SLC46A1: variants seen among roughly 807,000 people sequenced by gnomAD.
The protein encoded by SLC46A1 is solute carrier family 46 member 1.
A neutral mutation model predicts 32.1 loss-of-function variants in SLC46A1; 17 were observed. That is an observed-to-expected ratio of 0.53 (90% confidence interval 0.36 to 0.79). The LOEUF is 0.79. Among genes scored for constraint, SLC46A1 ranks in the 30% least tolerant of loss-of-function variants. SLC46A1 has a pLI of 0.00. For missense variants in SLC46A1, 517 were observed against 588.2 expected (o/e 0.88, Z 1.25); for synonymous variants, 240 against 262.7 (o/e 0.91, Z 0.84).
intron 2 of SLC46A1, chr17:28,403,975 T>G (rs1287058324): frequency 6.5e-6 from 1 of 154,100 alleles, no homozygotes; most frequent in Non-Finnish European, 1.4e-5. Flanking sequence ...ATCGTGCCAC[T>G]GCACTCTAGC....
chr17:28,395,928 C>G lies in SLC46A1; in HGVS notation c.*3728G>C, dbSNP rs1273506942. The stretch of plus-strand genomic sequence containing the variant: ...AGGAGATTGTGACTGCTTTAAGCTG[C>G]GGCAAGAACATTGTGCCCATCATTG... On this transcript the variant is annotated 3_prime_UTR_variant, in exon 5 of 5. Transcript: ENST00000612814. 1 of 1,613,786 alleles carries G rather than the reference C, an allele frequency of 6.2e-7. No individual in the cohort carries two copies. The highest frequency in any genetic ancestry group is 1.3e-5 in the African/African-American group (1 of 74,918).
chr17:28,402,190 G>C, intron 3 of SLC46A1, 48 bp downstream of exon 3: 2 of 1,536,028 alleles, frequency 1.3e-6, no homozygotes, highest in Non-Finnish European at 1.8e-6. Context: ...CCCGTTTCGG[G>C]CAGCACTGGA....
In SLC46A1 at chr17:28,395,320, A is replaced by G. The variant is rs1597825290; in HGVS notation, c.*4336T>C. 1 of 152,836 alleles carries G rather than the reference A, an allele frequency of 6.5e-6. No homozygotes were observed. Among genetic ancestry groups the G allele is most frequent in the Non-Finnish European group, 1.5e-5 (1 of 68,520 alleles). The allele number at this position is 152,836 out of a possible 1,614,324, so 9.5% of individuals were successfully genotyped here. On this transcript the variant is annotated 3_prime_UTR_variant, in exon 5 of 5. Coordinates refer to ENST00000612814, the MANE Select transcript of SLC46A1 (RefSeq NM_080669.6). Reference sequence around the variant, plus strand: ...AAGAATAGCCAAATGGAAGAGATACATAGGATCTCTACGTATGGAGGGTGG... The same window carrying G: ...AAGAATAGCCAAATGGAAGAGATACGTAGGATCTCTACGTATGGAGGGTGG...
At chr17:28,405,850 G>A (rs1555591245) in intron 1 of SLC46A1, 37 bp downstream of exon 1, 3 of 1,532,996 alleles carry the variant, frequency 2.0e-6, no homozygotes, top group Non-Finnish European at 1.8e-6. Context: ...TCCAGACCAG[G>A]GCCCTCCACC....
Position 28,398,016 on chromosome 17 carries a change from T to G in SLC46A1, c.*1640A>C, listed in dbSNP as rs189069712. On this transcript the variant is annotated 3_prime_UTR_variant, in exon 5 of 5. Coordinates refer to ENST00000612814, the MANE Select transcript of SLC46A1 (RefSeq NM_080669.6). ...TTGGCCAGTGCCAGCCTCGATGCTT[T>G]GGTTTTGACCCCACCTGATCCTCCT... 6.6e-6 allele frequency: 1 copy of G among 152,484 alleles called. No individual in the cohort carries two copies. The highest frequency in any genetic ancestry group is 2.4e-5 in the African/African-American group (1 of 41,476). The allele number at this position is 152,484 out of a possible 1,614,324, so 9.4% of individuals were successfully genotyped here. A position where few individuals can be genotyped will look rare whatever the true frequency, so the allele number is the denominator to read the frequency against.
At chr17:28,400,030 A>T (rs1323475781) in intron 4 of SLC46A1, 5 of 373,700 alleles carry the variant, frequency 1.3e-5, no homozygotes, top group Non-Finnish European at 2.5e-5. Flanking sequence ...AGTAGCTGGG[A>T]CTACCAGTGC....
chr17:28,405,280 G>T lies in SLC46A1; in HGVS notation c.417C>A (p.Leu139=). 1 of 1,587,050 alleles carries T rather than the reference G, an allele frequency of 6.3e-7. No homozygotes were observed. The highest frequency in any genetic ancestry group is 8.6e-7 in the Non-Finnish European group (1 of 1,167,396). ...LVSVFVVQLQ[L]HVGYFVLGRI... Reference sequence around the variant, plus strand: ...GACCCAGCACGAAGTAGCCGACGTGGAGCTGCAGCTGCACCACAAAAACGG... The same window carrying T: ...GACCCAGCACGAAGTAGCCGACGTGTAGCTGCAGCTGCACCACAAAAACGG... Residue 139 remains leucine, a synonymous_variant, in exon 2 of 5, where the codon CTC becomes CTA. Transcript: ENST00000612814.
chr17:28,399,926 C>T (rs2068175950), intron 4 of SLC46A1: 3 of 552,250 alleles, frequency 5.4e-6, no homozygotes, highest in African/African-American at 1.9e-5. Flanking sequence ...CAGGGTCTTG[C>T]TCTGTTGTCC....
rs2068236560 is a variant in SLC46A1, at chr17:28,404,810, G to A, written c.887C>T (p.Pro296Leu). The A allele has an allele frequency of 6.2e-7, 1 of 1,613,840 alleles. No homozygotes were observed. Among genetic ancestry groups the A allele is most frequent in the South Asian group, 1.1e-5 (1 of 91,074 alleles). The change falls in exon 2 of 5, where the codon CCC (proline) becomes CTC (leucine). Residue 296 changes from proline to leucine, a missense_variant. Pro to Leu is a moderately conservative substitution (Grantham distance 98, BLOSUM62 -3). Coordinates refer to ENST00000612814, the MANE Select transcript of SLC46A1 (RefSeq NM_080669.6). Reference protein sequence around the residue: ...DILTLYELSTPLCWDSKLIGY... With the variant: ...DILTLYELSTLLCWDSKLIGY... The stretch of plus-strand genomic sequence containing the variant: ...GATTAGTTTGGAGTCCCAGCAGAGG[G>A]GTGTGCTTAGTTCATAAAGGGTTAA...
intron 4 of SLC46A1, 147 bp downstream of exon 4, chr17:28,400,463 A>G (rs1334601001): frequency 1.9e-6 from 2 of 1,033,804 alleles, no homozygotes; most frequent in Non-Finnish European, 2.8e-6. Context: ...TTAGGCAGCC[A>G]TCTGCAAGGA....
intron 2 of SLC46A1, chr17:28,404,216 G>T: frequency 4.9e-6 from 1 of 202,578 alleles, no homozygotes. Flanking sequence ...CTGACTAAGG[G>T]TATTTGAGGT....
Position 28,399,572 on chromosome 17 carries a change from G to T in SLC46A1, c.*84C>A. Reference sequence around the variant, plus strand: ...TTAGACAAGAGTTGCTTGTCCTGCTGTGGGCTGGGCTTCCAGCTGCAGACC... The same window carrying T: ...TTAGACAAGAGTTGCTTGTCCTGCTTTGGGCTGGGCTTCCAGCTGCAGACC... On this transcript the variant is annotated 3_prime_UTR_variant, in exon 5 of 5. Transcript: ENST00000612814. 1 of 1,429,400 alleles carries T rather than the reference G, an allele frequency of 7.0e-7. No individual in the cohort carries two copies. The highest frequency in any genetic ancestry group is 9.8e-7 in the Non-Finnish European group (1 of 1,017,064). The allele number at this position is 1,429,400 out of a possible 1,614,324, so 88.5% of individuals were successfully genotyped here.
rs1555588079 is a variant in SLC46A1 at position 28,396,551 on chromosome 17, G to A, written c.*3105C>T. The A allele has an allele frequency of 5.8e-6, 3 of 517,700 alleles. No individual in the cohort carries two copies. The highest frequency in any genetic ancestry group is 3.8e-5 in the African/African-American group (2 of 52,356). The allele number at this position is 517,700 out of a possible 1,614,324, so 32.1% of individuals were successfully genotyped here. ...TTGGGTTGTCTGTCTCCGTCATGGGGAGGGTCCCTGCTCAGTTCTGGAGAC... is the reference window on the plus strand; with the variant it reads ...TTGGGTTGTCTGTCTCCGTCATGGGAAGGGTCCCTGCTCAGTTCTGGAGAC... On this transcript the variant is annotated 3_prime_UTR_variant, in exon 5 of 5. Transcript: ENST00000612814.
chr17:28,400,875 C>A, intron 3 of SLC46A1, 109 bp from the exon 4 acceptor site: 1 of 950,712 alleles, frequency 1.1e-6, no homozygotes, highest in South Asian at 1.4e-5. Context: ...ACCTATGTCT[C>A]CCCTTCCTCA....
rs2068114145 is a variant in SLC46A1 at position 28,395,812 on chromosome 17, G to A, written c.*3844C>T. On this transcript the variant is annotated 3_prime_UTR_variant, in exon 5 of 5. Transcript: ENST00000612814. Reference sequence around the variant, plus strand: ...GGACTGGTGTCCTGCCCTGGGCCCAGCCTCGGGCCAGTGGGCCTCCCAGCA... The same window carrying A: ...GGACTGGTGTCCTGCCCTGGGCCCAACCTCGGGCCAGTGGGCCTCCCAGCA... 6.8e-7 allele frequency: 1 copy of A among 1,480,200 alleles called. No homozygotes were observed. The highest frequency in any genetic ancestry group is 1.7e-5 in the Admixed American group (1 of 58,982). 91.7% of individuals were successfully genotyped at this position (1,480,200 alleles called of 1,614,324 possible).
In SLC46A1 at chr17:28,399,424, C is replaced by T. The variant is rs1450540092; in HGVS notation, c.*232G>A. 3.6e-6 allele frequency: 2 copies of T among 554,782 alleles called. No individual in the cohort carries two copies. Among genetic ancestry groups the T allele is most frequent in the Admixed American group, 3.1e-5 (1 of 32,658 alleles). The allele number at this position is 554,782 out of a possible 1,614,324, so 34.4% of individuals were successfully genotyped here. ...CTCCTGTCCCAAATAGCTCCTCTGC[C>T]ACCTGTCCTGCAGTGGGCCTGTGTG... On this transcript the variant is annotated 3_prime_UTR_variant, in exon 5 of 5. Coordinates refer to ENST00000612814, the MANE Select transcript of SLC46A1 (RefSeq NM_080669.6).
Position 28,395,321 on chromosome 17 carries a change from T to C in SLC46A1, c.*4335A>G. ...AGAATAGCCAAATGGAAGAGATACA[T>C]AGGATCTCTACGTATGGAGGGTGGA... On this transcript the variant is annotated 3_prime_UTR_variant, in exon 5 of 5. Transcript: ENST00000612814. 1 of 152,770 alleles carries C rather than the reference T, an allele frequency of 6.5e-6. No individual in the cohort carries two copies. The highest frequency in any genetic ancestry group is 6.5e-5 in the Admixed American group (1 of 15,350). The allele number at this position is 152,770 out of a possible 1,614,324, so 9.5% of individuals were successfully genotyped here. A position where few individuals can be genotyped will look rare whatever the true frequency, so the allele number is the denominator to read the frequency against.
At chr17:28,406,316 G>A (rs1199272656), upstream of SLC46A1, 2 of 431,314 alleles carry the variant, frequency 4.6e-6, no homozygotes, top group Non-Finnish European at 7.9e-6. The surrounding 1 kb of genome is among the most constrained non-coding windows in gnomAD (Gnocchi z 4.5). Context: ...GCGTGGGCCA[G>A]CGAGGGGCCC....
chr17:28,400,415 G>T, intron 4 of SLC46A1, 195 bp downstream of exon 4: 1 of 629,098 alleles, frequency 1.6e-6, no homozygotes, highest in Non-Finnish European at 2.7e-6. Flanking sequence ...CCTCCACCTA[G>T]CTCGCCATCT....
Sources: gnomAD v4.1 joint callset for allele counts on GRCh38, gnomAD v4.1.1 for gene constraint, Gnocchi (gnomAD v3.1) non-coding constraint, MANE v1.5 for transcripts, NCBI Gene and HGNC (gene_info 2026-07-23, HGNC 2026-07-21) for gene names.